ITGB5: variants seen among roughly 807,000 people sequenced by gnomAD.
ITGB5 encodes the protein integrin beta-5.
ITGB5 carries 38 observed loss-of-function variants against 84.8 expected under a neutral mutation model. The observed-to-expected ratio is 0.45, with a 90% CI of 0.35 to 0.59. ITGB5 has a LOEUF of 0.59. Ranked by LOEUF, ITGB5 falls within the 20% of genes least tolerant of loss-of-function variation. ITGB5 has a pLI of 0.01. For missense variants in ITGB5, 905 were observed against 1,034.5 expected (o/e 0.87, Z 1.72); for synonymous variants, 393 against 414.4 (o/e 0.95, Z 0.63).
Position 124,796,768 on chromosome 3 carries a change from G to A in ITGB5, c.1313C>T (p.Thr438Met), listed in dbSNP as rs758552769. The A allele has an allele frequency of 5.3e-5, 86 of 1,613,462 alleles. No individual in the cohort carries two copies. The East Asian group carries it at 7.4e-4, about 14-fold the overall frequency. ...CGGCCGCAGGGCAAACACATGCTCC[G>A]TGTGTCTGCTGGGACAGCTTCGGGC... ...LEARSCPSRH[T>M]EHVFALRPVG... is the part of the protein sequence containing the mutation. Residue 438 changes from threonine to methionine, a missense_variant, in exon 10 of 15, where the codon ACG (threonine) becomes ATG (methionine). Physicochemically the swap from Thr to Met is moderately conservative, Grantham distance 81 (BLOSUM62 -1). Transcript: ENST00000296181.
chr3:124,780,172 G>A (rs1227097798), intron 10 of ITGB5, among the ~76,000 whole-genome samples: 1 of 130,218 alleles, frequency 7.7e-6, no homozygotes, highest in Non-Finnish European at 1.5e-5. Context: ...CCCTCAGCAG[G>A]GCCTCTGAGG....
chr3:124,839,697 CA>C (rs1193851469), intron 5 of ITGB5, among the ~76,000 whole-genome samples: 4 of 152,214 alleles, frequency 2.6e-5, no homozygotes, highest in Non-Finnish European at 4.4e-5. Flanking sequence ...ATCTGAAAGT[CA>C]GTCAAAAATA....
chr3:124,898,219 T>C (rs553292495), intron 1 of ITGB5, among the ~76,000 whole-genome samples: 52 of 4,946 alleles, frequency 0.011, no homozygotes, highest in African/African-American at 0.031. Context: ...CTTTGAGGTC[T>C]TTTTTTTTTT....
chr3:124,801,192 G>C (rs1456080675), intron 9 of ITGB5, among the ~76,000 whole-genome samples: 1 of 152,200 alleles, frequency 6.6e-6, no homozygotes, highest in African/African-American at 2.4e-5. Context: ...TGGCTGCTTT[G>C]TGCTGGGCGT....
At chr3:124,865,122 T>G (rs1191511589) in intron 2 of ITGB5, among the ~76,000 whole-genome samples, 8 of 152,198 alleles carry the variant, frequency 5.3e-5, no homozygotes. Context: ...AGCATTTCTT[T>G]GCTGCCCCAA....
chr3:124,898,431 C>CA (rs1935149956), intron 1 of ITGB5, among the ~76,000 whole-genome samples: 2 of 147,190 alleles, frequency 1.4e-5, no homozygotes, highest in South Asian at 4.4e-4. Context: ...ATCACGACGT[C>CA]AGGAGATCGA....
chr3:124,785,584 CAAA>C (rs11372347), intron 10 of ITGB5, among the ~76,000 whole-genome samples: 1 of 95,096 alleles, frequency 1.1e-5, no homozygotes, highest in Non-Finnish European at 2.3e-5. Context: ...GACTCCATCT[CAAA>C]AAAAAAAAAA....
chr3:124,778,228 GTTATTA>G (rs973142167), intron 10 of ITGB5, among the ~76,000 whole-genome samples: 4 of 152,230 alleles, frequency 2.6e-5, no homozygotes, highest in Non-Finnish European at 5.9e-5. Context: ...CATGCAAGTT[GTTATTA>G]TTAGTACCTT....
chr3:124,870,826 T>C (rs935770303), intron 2 of ITGB5, among the ~76,000 whole-genome samples: 4 of 151,836 alleles, frequency 2.6e-5, no homozygotes, highest in Admixed American at 1.3e-4. Context: ...GATAAATGAA[T>C]GGATAGACAG....
chr3:124,801,926 C>T (rs1222282670), intron 9 of ITGB5, among the ~76,000 whole-genome samples: 1 of 152,266 alleles, frequency 6.6e-6, no homozygotes, highest in Non-Finnish European at 1.5e-5. Context: ...TCTTCACACC[C>T]TAGCAGACAC....
At position 124,884,064 on chromosome 3, in the gene ITGB5, G is replaced by C. The variant is rs138107405; in HGVS notation, c.70+2867C>G. On this transcript the variant is annotated intron_variant, in intron 1 of 14. Coordinates refer to ENST00000296181, the MANE Select transcript of ITGB5 (RefSeq NM_002213.5). ...TCAACCACTGGTCCAGGAACACCCA[G>C]GCAGGCATGGCCCTGAGGGTCATCT... Among the ~76,000 whole-genome samples, 221 of 152,262 alleles carry C rather than the reference G, an allele frequency of 1.5e-3. 3 individuals carry two copies. Among genetic ancestry groups the C allele is most frequent in the Middle Eastern group, 0.014 (4 of 294 alleles).
At position 124,844,205 on chromosome 3, in the gene ITGB5, C is replaced by CA. The variant is rs58956636; in HGVS notation, c.612-2655dup. On this transcript the variant is annotated intron_variant, in intron 4 of 14. Coordinates refer to ENST00000296181, the MANE Select transcript of ITGB5 (RefSeq NM_002213.5). ...ACCTTTCAGAAGTATTTGGTTTTGG[C>CA]AAAAAAAAAAAAAAAAAAAAAAAAA... is the stretch of plus-strand genomic sequence containing the variant. 3.6e-4 allele frequency among the ~76,000 whole-genome samples: 31 copies of CA among 85,896 alleles called. No individual in the cohort carries two copies. In the East Asian group the frequency reaches 3.9e-3, roughly 11 times the overall value. The allele number at this position is 85,896 out of a possible 152,430, so 56.4% of individuals were successfully genotyped here. A position where few individuals can be genotyped will look rare whatever the true frequency, so the allele number is the denominator to read the frequency against.
chr3:124,887,601 T>C (rs1273589450), upstream of ITGB5: 2 of 378,516 alleles, frequency 5.3e-6, no homozygotes, highest in Non-Finnish European at 1.1e-5. Flanking sequence ...GCGACTCACT[T>C]GGGGCGTGGG....
At chr3:124,867,461 T>C (rs848803) in intron 2 of ITGB5, among the ~76,000 whole-genome samples, 127,307 of 152,238 alleles carry the variant, frequency 0.84, 53,490 homozygotes, top group African/African-American at 0.92. Flanking sequence ...TTTGCCTCCT[T>C]TCTTGCTTTC....
chr3:124,861,674 G>T (rs2065305647), intron 2 of ITGB5, among the ~76,000 whole-genome samples: 1 of 151,048 alleles, frequency 6.6e-6, no homozygotes, highest in Admixed American at 6.6e-5. Context: ...CAATTCTCCT[G>T]CCTCAGCCTC....
chr3:124,834,324 G>A (rs933021585), intron 5 of ITGB5, among the ~76,000 whole-genome samples: 1 of 151,720 alleles, frequency 6.6e-6, no homozygotes, highest in Admixed American at 6.6e-5. Flanking sequence ...GTGCGCAGTG[G>A]TCAGAGGGAA....
At chr3:124,809,265 C>T (rs2064460180) in intron 8 of ITGB5, 109 bp from the exon 9 acceptor site, 1 of 1,202,332 alleles carries the variant, frequency 8.3e-7, no homozygotes, top group Non-Finnish European at 1.2e-6. Context: ...TCAGGAATCC[C>T]AAGCCAAAGG....
At chr3:124,856,878 T>A (rs970728705) in intron 3 of ITGB5, among the ~76,000 whole-genome samples, 49 of 152,310 alleles carry the variant, frequency 3.2e-4, no homozygotes, top group African/African-American at 1.2e-3. Flanking sequence ...CTCAGCTGAC[T>A]TTTTTCTACC....
At chr3:124,808,116 C>T (rs746222422) in intron 9 of ITGB5, among the ~76,000 whole-genome samples, 2 of 152,134 alleles carry the variant, frequency 1.3e-5, no homozygotes, top group Admixed American at 6.5e-5. Context: ...TCTCCGCAAG[C>T]TCTTTCCCTG....
Sources: gnomAD v4.1 joint callset for allele counts (sites outside exome capture counted in the v4.1 genomes callset) on GRCh38, gnomAD v4.1.1 for gene constraint, MANE v1.5 for transcripts, NCBI Gene and HGNC (gene_info 2026-07-23, HGNC 2026-07-21) for gene names.